FOXN3: variants seen among roughly 807,000 people sequenced by gnomAD.
The protein encoded by FOXN3 is forkhead box N3.
FOXN3 carries 7 observed loss-of-function variants against 38.4 expected under a neutral mutation model. The ratio of observed to expected loss-of-function variants is 0.18; its 90% CI spans 0.10 to 0.34. FOXN3 has a LOEUF of 0.34. Among genes scored for constraint, FOXN3 ranks in the 10% least tolerant of loss-of-function variants. FOXN3 has a pLI of 1.00. For synonymous variants in FOXN3, 230 were observed against 242.2 expected (o/e 0.95, Z 0.47); for missense variants, 456 against 613.4 (o/e 0.74, Z 2.71).
chr14:89,439,664 T>TTC (rs1369449013), intron 1 of FOXN3, among the ~76,000 whole-genome samples: 1 of 151,098 alleles, frequency 6.6e-6, no homozygotes, highest in African/African-American at 2.4e-5. Flanking sequence ...TTCCTTTTTT[T>TTC]TTTTTTTTTG....
At chr14:89,392,329 G>A (rs1890970277) in intron 2 of FOXN3, among the ~76,000 whole-genome samples, 1 of 152,184 alleles carries the variant, frequency 6.6e-6, no homozygotes, top group South Asian at 2.1e-4. Context: ...CTCAGTGTAG[G>A]CAGAAACTCA....
At chr14:89,301,109 G>A (rs1887204163) in intron 3 of FOXN3, among the ~76,000 whole-genome samples, 2 of 152,024 alleles carry the variant, frequency 1.3e-5, no homozygotes, top group African/African-American at 4.8e-5. Context: ...AGCCTCAGAT[G>A]TTTATTTTTT....
chr14:89,520,829 C>A (rs938725315), intron 1 of FOXN3, among the ~76,000 whole-genome samples: 3 of 152,004 alleles, frequency 2.0e-5, no homozygotes, highest in African/African-American at 7.3e-5. Flanking sequence ...AAGACTGATC[C>A]CAAGGTGACA....
chr14:89,365,989 C>T (rs914390345), intron 2 of FOXN3, among the ~76,000 whole-genome samples: 1 of 152,094 alleles, frequency 6.6e-6, no homozygotes, highest in African/African-American at 2.4e-5. Flanking sequence ...CAGTGGCTCA[C>T]GACTGTAATC....
At chr14:89,232,770 G>A (rs1299608011) in intron 4 of FOXN3, among the ~76,000 whole-genome samples, 4 of 152,306 alleles carry the variant, frequency 2.6e-5, no homozygotes, top group Non-Finnish European at 5.9e-5. Context: ...GAAAGCTGGC[G>A]AGAGCGTCAA....
At chr14:89,418,555 A>G (rs1439682427), upstream of FOXN3, among the ~76,000 whole-genome samples, 1 of 150,908 alleles carries the variant, frequency 6.6e-6, no homozygotes, top group Non-Finnish European at 1.5e-5. Flanking sequence ...ATCTGGAGAC[A>G]ATTAGGAGGT....
At chr14:89,366,759 T>C (rs1212833311) in intron 2 of FOXN3, among the ~76,000 whole-genome samples, 1 of 152,154 alleles carries the variant, frequency 6.6e-6, no homozygotes, top group Non-Finnish European at 1.5e-5. Flanking sequence ...GTGATTTCCA[T>C]GCTGCACACA....
At chr14:89,346,200 G>A (rs1309525907) in intron 3 of FOXN3, among the ~76,000 whole-genome samples, 1 of 152,132 alleles carries the variant, frequency 6.6e-6, no homozygotes, top group African/African-American at 2.4e-5. Context: ...GGGCATTTAG[G>A]TTGGTTCCAT....
intron 3 of FOXN3, among the ~76,000 whole-genome samples, chr14:89,344,560 C>CAT (rs1341165187): frequency 1.3e-5 from 2 of 152,158 alleles, no homozygotes; most frequent in African/African-American, 4.8e-5. Context: ...ACATAAGACC[C>CAT]ATATATATGT....
chr14:89,601,580 G>T (rs148813114), intron 1 of FOXN3, among the ~76,000 whole-genome samples: 2 of 152,282 alleles, frequency 1.3e-5, no homozygotes, highest in African/African-American at 4.8e-5. Flanking sequence ...GGTACAGGGT[G>T]ATATTGAGGC....
At chr14:89,606,867 A>G (rs916188095) in intron 1 of FOXN3, among the ~76,000 whole-genome samples, 3 of 152,160 alleles carry the variant, frequency 2.0e-5, no homozygotes, top group Non-Finnish European at 4.4e-5. Context: ...AATAAAATAA[A>G]AAAATAAAAC....
intron 1 of FOXN3, among the ~76,000 whole-genome samples, chr14:89,497,381 T>C (rs563851075): frequency 5.1e-4 from 77 of 151,818 alleles, no homozygotes; most frequent in African/African-American, 1.8e-3. Context: ...ATGATACTGC[T>C]ATGAACATGA....
intron 1 of FOXN3, among the ~76,000 whole-genome samples, chr14:89,530,248 G>A (rs1024656127): frequency 3.3e-5 from 5 of 152,194 alleles, no homozygotes; most frequent in Middle Eastern, 3.4e-3. Context: ...TTGAGACCAC[G>A]TAATTTATAA....
At chr14:89,288,118 G>A (rs951684697) in intron 3 of FOXN3, among the ~76,000 whole-genome samples, 1 of 151,964 alleles carries the variant, frequency 6.6e-6, no homozygotes, top group Non-Finnish European at 1.5e-5. Flanking sequence ...TCCAAAATGG[G>A]CACGCGATCA....
At chr14:89,439,475 AC>A (rs1328637003) in intron 1 of FOXN3, among the ~76,000 whole-genome samples, 2 of 152,120 alleles carry the variant, frequency 1.3e-5, no homozygotes, top group Admixed American at 6.5e-5. Flanking sequence ...CTACACTCCC[AC>A]CAGCACCATG....
At chr14:89,322,687 C>T (rs904837579) in intron 3 of FOXN3, among the ~76,000 whole-genome samples, 34 of 152,162 alleles carry the variant, frequency 2.2e-4, no homozygotes, top group Middle Eastern at 6.8e-3. Context: ...ACAGATGTTT[C>T]GGAGGAATCA....
chr14:89,331,057 GAAATTTGCCACTT>G (rs1277501501), intron 3 of FOXN3, among the ~76,000 whole-genome samples: 6 of 152,242 alleles, frequency 3.9e-5, no homozygotes, highest in Non-Finnish European at 7.3e-5. Flanking sequence ...CACAAAATAT[GAAATTTGCCACTT>G]AAACAATTTT....
intron 1 of FOXN3, among the ~76,000 whole-genome samples, chr14:89,509,099 C>T (rs1894005429): frequency 6.6e-6 from 1 of 152,060 alleles, no homozygotes; most frequent in South Asian, 2.1e-4. Flanking sequence ...TCTGTTCCAC[C>T]CACCCTGACC....
rs1174842111 is a variant in FOXN3 at position 89,176,240 on chromosome 14, T to C, written c.851+4461A>G. Among the ~76,000 whole-genome samples, 3 of 152,300 alleles carry C rather than the reference T, an allele frequency of 2.0e-5. No homozygotes were observed. In the South Asian group the frequency reaches 6.2e-4, roughly 32 times the overall value. ...AAGGAGATTTCACATCATAATTATATGCAAAGGAACCTGGCAAATAGAAGC... is the reference window on the plus strand; with the variant it reads ...AAGGAGATTTCACATCATAATTATACGCAAAGGAACCTGGCAAATAGAAGC... On this transcript the variant is annotated intron_variant, in intron 5 of 5. Coordinates refer to ENST00000557258, the MANE Select transcript of FOXN3 (RefSeq NM_005197.4).
Sources: allele counts gnomAD v4.1 joint callset (sites outside exome capture counted in the v4.1 genomes callset), GRCh38; gene constraint gnomAD v4.1.1; transcripts MANE v1.5; gene names NCBI Gene and HGNC (gene_info 2026-07-23, HGNC 2026-07-21).